Variants in TIAM1 observed in about 807,000 individuals in gnomAD.
The protein encoded by TIAM1 is rho guanine nucleotide exchange factor TIAM1.
A neutral mutation model predicts 163.5 loss-of-function variants in TIAM1; 65 were observed. The observed-to-expected ratio is 0.40, with a 90% confidence interval of 0.33 to 0.49. The LOEUF is 0.49. TIAM1 is among the 20% of genes least tolerant of loss of function. The pLI is 0.77. For missense variants in TIAM1, 1,789 were observed against 2,044.7 expected (o/e 0.87, Z 2.41); for synonymous variants, 833 against 810.1 (o/e 1.03, Z -0.48).
At chr21:31,246,192 C>T (rs1188269695) in intron 5 of TIAM1, among the ~76,000 whole-genome samples, 3 of 152,180 alleles carry the variant, frequency 2.0e-5, no homozygotes, top group Non-Finnish European at 2.9e-5. Flanking sequence ...AACAATGATA[C>T]ATTTTTGGTC....
At chr21:31,458,615 G>A (rs1432964310) in intron 2 of TIAM1, among the ~76,000 whole-genome samples, 1 of 152,174 alleles carries the variant, frequency 6.6e-6, no homozygotes, top group East Asian at 1.9e-4. Context: ...GACAGCACCT[G>A]CGCTGATTTA....
intron 2 of TIAM1, among the ~76,000 whole-genome samples, chr21:31,293,591 A>T (rs2074114874): frequency 6.6e-6 from 1 of 152,240 alleles, no homozygotes; most frequent in South Asian, 2.1e-4. Flanking sequence ...AATATCCAAC[A>T]GGTGCTCCTG....
At chr21:31,413,264 C>CTTTTTTTTTTTTTTTTTTTTTTT (rs397866519) in intron 2 of TIAM1, among the ~76,000 whole-genome samples, 38 of 87,878 alleles carry the variant, frequency 4.3e-4, no homozygotes, top group East Asian at 7.3e-4. Context: ...CTTTTCTTTT[C>CTTTTTTTTTTTTTTTTTTTTTTT]TTTTTTTTTT....
At chr21:31,508,352 GAGAAATAA>G (rs2047101246) in intron 1 of TIAM1, among the ~76,000 whole-genome samples, 1 of 151,654 alleles carries the variant, frequency 6.6e-6, no homozygotes, top group African/African-American at 2.4e-5. Context: ...GAGAGAGATA[GAGAAATAA>G]AGAACTAGGT....
At position 31,251,970 on chromosome 21, in the gene TIAM1, T is replaced by C. The variant is rs746999607; in HGVS notation, c.1183A>G (p.Thr395Ala). The C allele has an allele frequency of 1.9e-6, 3 of 1,613,860 alleles. No homozygotes were observed. Among genetic ancestry groups the C allele is most frequent in the South Asian group, 2.2e-5 (2 of 91,080 alleles). Residue 395 changes from threonine (T) to alanine (A), a missense_variant, in exon 5 of 28, where the codon ACC (threonine) becomes GCC (alanine). This residue lies in a region of TIAM1 where 555 missense variants were observed against 564.9 expected (regional missense o/e 0.98). Coordinates refer to ENST00000541036, the MANE Select transcript of TIAM1 (RefSeq NM_001353694.2). ...TCCTCCAGGCTCTCGCTGTTGGTGG[T>C]GCTCATCTCCAGCTCCCGCCGGAAG... ...ENFRRELEMS[T>A]TNSESLEEAG...
intron 3 of TIAM1, among the ~76,000 whole-genome samples, chr21:31,272,479 TAAAA>T (rs36107845): frequency 7.5e-6 from 1 of 133,130 alleles, no homozygotes; most frequent in Non-Finnish European, 1.6e-5. Flanking sequence ...AAGCCTTTTG[TAAAA>T]AAAAAAAAAA....
rs201067686 is a variant in TIAM1 at position 31,392,835 on chromosome 21, G to C, written c.-368-53413C>G. On this transcript the variant is annotated intron_variant, in intron 2 of 28. Coordinates refer to the TIAM1 transcript ENST00000286827. ...CCTACTCTCTCTCTTGTTCCCTTTCGCCATGTGACATGCTTGCCCCTTCAT... is the reference window on the plus strand; with the variant it reads ...CCTACTCTCTCTCTTGTTCCCTTTCCCCATGTGACATGCTTGCCCCTTCAT... Among the ~76,000 whole-genome samples, 18 of 152,042 alleles carry C rather than the reference G, an allele frequency of 1.2e-4. 1 individual carries two copies. The East Asian group carries it at 3.3e-3, about 28-fold the overall frequency.
chr21:31,555,044 G>T (rs557575539), intron 1 of TIAM1, among the ~76,000 whole-genome samples: 2 of 152,048 alleles, frequency 1.3e-5, no homozygotes, highest in Non-Finnish European at 2.9e-5. Context: ...TATTAATATC[G>T]TGTACCCTTT....
Position 31,535,380 on chromosome 21 carries a change from CAAAAAAAAAAA to C in TIAM1, c.-422+23536_-422+23546del, listed in dbSNP as rs59742048. Among the ~76,000 whole-genome samples the C allele has an allele frequency of 8.6e-3, 467 of 54,304 alleles. 3 individuals are homozygous for C. The highest frequency in any genetic ancestry group is 0.033 in the African/African-American group (456 of 13,856). 35.6% of individuals were successfully genotyped at this position (54,304 alleles called of 152,430 possible). A position where few individuals can be genotyped will look rare whatever the true frequency, so the allele number is the denominator to read the frequency against. Reference sequence around the variant, plus strand: ...TGGGCGACAGAGGAAGGCTCCATCTCAAAAAAAAAAAAAAAAAAAAAAAAAAAAAAGTTTAT... The same window carrying C: ...TGGGCGACAGAGGAAGGCTCCATCTCAAAAAAAAAAAAAAAAAAAGTTTAT... On this transcript the variant is annotated intron_variant, in intron 1 of 28. Coordinates refer to the TIAM1 transcript ENST00000286827.
intron 11 of TIAM1, among the ~76,000 whole-genome samples, chr21:31,208,266 G>C (rs143437950): frequency 2.6e-5 from 4 of 152,244 alleles, no homozygotes; most frequent in Non-Finnish European, 5.9e-5. Flanking sequence ...CTTAACCTTC[G>C]ATTCCTGATC....
At chr21:31,198,215 T>C (rs1393250706) in intron 12 of TIAM1, among the ~76,000 whole-genome samples, 2 of 152,172 alleles carry the variant, frequency 1.3e-5, no homozygotes, top group Non-Finnish European at 2.9e-5. Context: ...TTCAGGCAGG[T>C]AGAAAAGAGT....
At chr21:31,369,849 G>A (rs2076565731) in intron 2 of TIAM1, among the ~76,000 whole-genome samples, 1 of 152,160 alleles carries the variant, frequency 6.6e-6, no homozygotes, top group Middle Eastern at 3.2e-3. Flanking sequence ...GCTGGGCGTG[G>A]TGGCACGTGC....
At chr21:31,201,205 G>T (rs1383415334) in intron 12 of TIAM1, among the ~76,000 whole-genome samples, 2 of 152,114 alleles carry the variant, frequency 1.3e-5, no homozygotes, top group Non-Finnish European at 2.9e-5. Flanking sequence ...GTGTTAGCAG[G>T]AAAGCACTTC....
At chr21:31,405,269 T>C (rs2077227900) in intron 2 of TIAM1, among the ~76,000 whole-genome samples, 3 of 151,830 alleles carry the variant, frequency 2.0e-5, no homozygotes, top group Admixed American at 6.6e-5. Context: ...AATGAATAAA[T>C]CACAATAACA....
At chr21:31,347,732 A>G (rs1461348180), upstream of TIAM1, among the ~76,000 whole-genome samples, 2 of 152,220 alleles carry the variant, frequency 1.3e-5, no homozygotes, top group Non-Finnish European at 1.5e-5. Context: ...GAAAAGATGC[A>G]TGCACGGACG....
chr21:31,226,964 T>G (rs933765261), intron 6 of TIAM1, among the ~76,000 whole-genome samples: 19 of 148,994 alleles, frequency 1.3e-4, no homozygotes, highest in East Asian at 7.8e-4. Context: ...TTTTTTTTTT[T>G]TTTTTTTTTT....
At chr21:31,407,903 G>T (rs2077276022) in intron 2 of TIAM1, among the ~76,000 whole-genome samples, 1 of 152,126 alleles carries the variant, frequency 6.6e-6, no homozygotes, top group Non-Finnish European at 1.5e-5. Context: ...CTCCCAAAAT[G>T]CTAGGATAAC....
intron 2 of TIAM1, among the ~76,000 whole-genome samples, chr21:31,316,568 G>A (rs908091032): frequency 1.3e-5 from 2 of 152,196 alleles, no homozygotes; most frequent in African/African-American, 4.8e-5. Context: ...AATCAGGACT[G>A]TGTGGTTTGA....
chr21:31,197,539 C>CTTTTTTTT (rs58141765), intron 12 of TIAM1, among the ~76,000 whole-genome samples: 14 of 123,250 alleles, frequency 1.1e-4, no homozygotes, highest in East Asian at 5.4e-4. Context: ...CCGCGCCCGG[C>CTTTTTTTT]TTTTTTTTTT....
Sources: gnomAD v4.1 joint callset for allele counts (sites outside exome capture counted in the v4.1 genomes callset) on GRCh38, gnomAD v4.1.1 for gene constraint, gnomAD v4.1.1 regional missense constraint, MANE v1.5 for transcripts, NCBI Gene and HGNC (gene_info 2026-07-23, HGNC 2026-07-21) for gene names.